Variants in SETD3 observed in about 807,000 individuals in gnomAD.
SETD3 encodes the protein SET domain containing 3, actin N3(tau)-histidine methyltransferase.
Under a neutral mutation model 63.0 loss-of-function variants are expected in SETD3, and 19 were observed. That is an observed-to-expected ratio of 0.30 (90% CI 0.21 to 0.44). The LOEUF (loss-of-function observed/expected upper bound fraction) is 0.44. Ranked by LOEUF, SETD3 falls within the 20% of genes least tolerant of loss-of-function variation. SETD3 has a pLI of 1.00. For synonymous variants in SETD3, 286 were observed against 264.1 expected, an observed-to-expected ratio of 1.08 and a Z score of -0.80; for missense variants, 587 against 728.5, an observed-to-expected ratio of 0.81 and a Z score of 2.24.
intron 1 of SETD3, among the ~76,000 whole-genome samples, chr14:99,468,384 C>T (rs1168102645): frequency 6.6e-6 from 1 of 152,134 alleles, no homozygotes; most frequent in Non-Finnish European, 1.5e-5. Context: ...TCTACCCTCA[C>T]GCTGCCACCA....
chr14:99,399,476 T>C (rs542526463), intron 12 of SETD3, among the ~76,000 whole-genome samples: 60 of 152,272 alleles, frequency 3.9e-4, no homozygotes, highest in Admixed American at 2.2e-3. Context: ...CGTGGGTGAA[T>C]GGCATCAGTG....
intron 1 of SETD3, among the ~76,000 whole-genome samples, chr14:99,480,331 C>A (rs1896220599): frequency 6.6e-6 from 1 of 152,068 alleles, no homozygotes; most frequent in Non-Finnish European, 1.5e-5. Context: ...CACCCGAGAG[C>A]AGGCGCGAGG....
At chr14:99,416,085 CTT>C (rs933848930) in intron 6 of SETD3, among the ~76,000 whole-genome samples, 6 of 152,172 alleles carry the variant, frequency 3.9e-5, no homozygotes, top group Admixed American at 3.9e-4. Flanking sequence ...TTATAAGAAT[CTT>C]GAGACATTCA....
At chr14:99,437,019 G>A (rs1459578454) in intron 6 of SETD3, among the ~76,000 whole-genome samples, 1 of 152,202 alleles carries the variant, frequency 6.6e-6, no homozygotes, top group African/African-American at 2.4e-5. Flanking sequence ...ACCGTGGATA[G>A]AGAAGATAGT....
intron 1 of SETD3, among the ~76,000 whole-genome samples, chr14:99,466,629 G>C (rs1326352122): frequency 2.0e-5 from 3 of 151,152 alleles, no homozygotes; most frequent in Non-Finnish European, 4.4e-5. Context: ...GGGGGGGGGG[G>C]GGGGCATTCA....
chr14:99,459,033 T>G, intron 5 of SETD3, 80 bp downstream of exon 5: 1 of 1,022,628 alleles, frequency 9.8e-7, no homozygotes, highest in South Asian at 1.5e-5. Flanking sequence ...AACCAAGTAT[T>G]ATCCTTAGTG....
chr14:99,445,546 A>G (rs914069210), intron 6 of SETD3, among the ~76,000 whole-genome samples: 3 of 152,196 alleles, frequency 2.0e-5, no homozygotes, highest in African/African-American at 4.8e-5. Context: ...CTTCCTTGAG[A>G]GTAGATTATA....
chr14:99,451,521 G>C (rs1215467844), intron 6 of SETD3, among the ~76,000 whole-genome samples: 1 of 151,982 alleles, frequency 6.6e-6, no homozygotes, highest in African/African-American at 2.4e-5. Context: ...TTTGAGACAG[G>C]GTATCGCTCT....
intron 11 of SETD3, among the ~76,000 whole-genome samples, chr14:99,401,273 A>C (rs1162242631): frequency 1.3e-5 from 2 of 152,282 alleles, no homozygotes; most frequent in Non-Finnish European, 2.9e-5. Flanking sequence ...AGAAGAGGAA[A>C]GAATTCAGCA....
chr14:99,463,412 C>T (rs1455012474), intron 3 of SETD3, 74 bp downstream of exon 3: 2 of 1,147,734 alleles, frequency 1.7e-6, no homozygotes, highest in Non-Finnish European at 2.5e-6. Flanking sequence ...ACCTTTACTA[C>T]TCGTCAACCC....
upstream of SETD3, chr14:99,481,735 T>TG (rs1156865408): frequency 2.7e-6 from 1 of 368,300 alleles, no homozygotes; most frequent in Non-Finnish European, 4.8e-6. Flanking sequence ...GCCCTCGCAC[T>TG]GGGGGGCAGT....
intron 6 of SETD3, among the ~76,000 whole-genome samples, chr14:99,455,531 TCTC>T (rs1213281234): frequency 6.6e-6 from 1 of 152,112 alleles, no homozygotes; most frequent in Non-Finnish European, 1.5e-5. Flanking sequence ...TAAAATACCT[TCTC>T]CTCACCACAG....
At chr14:99,455,136 A>C (rs1002065610) in intron 6 of SETD3, among the ~76,000 whole-genome samples, 1 of 152,270 alleles carries the variant, frequency 6.6e-6, no homozygotes, top group African/African-American at 2.4e-5. Flanking sequence ...CCACGCAGCC[A>C]CAGCGCCTCT....
At chr14:99,403,467 T>G (rs945721181) in intron 11 of SETD3, among the ~76,000 whole-genome samples, 1 of 140,402 alleles carries the variant, frequency 7.1e-6, no homozygotes, top group East Asian at 2.0e-4. Flanking sequence ...TCTCTCTCTC[T>G]CTCTCTCTCT....
chr14:99,442,663 C>A (rs995838710), intron 6 of SETD3, among the ~76,000 whole-genome samples: 19 of 152,146 alleles, frequency 1.2e-4, no homozygotes, highest in African/African-American at 4.6e-4. Context: ...TTCTTTTCTC[C>A]AGCTTACTTT....
chr14:99,455,573 G>T (rs564969724), intron 6 of SETD3, among the ~76,000 whole-genome samples: 1 of 152,264 alleles, frequency 6.6e-6, no homozygotes, highest in East Asian at 1.9e-4. Flanking sequence ...AAGGGATCTG[G>T]AATCAGCTAA....
intron 8 of SETD3, among the ~76,000 whole-genome samples, chr14:99,410,791 T>G (rs945507442): frequency 6.6e-6 from 1 of 152,246 alleles, no homozygotes; most frequent in African/African-American, 2.4e-5. Flanking sequence ...TTGGAATTAC[T>G]GTTACTGACT....
intron 6 of SETD3, among the ~76,000 whole-genome samples, chr14:99,452,085 CAGAA>C (rs1894495204): frequency 6.6e-6 from 1 of 152,244 alleles, no homozygotes; most frequent in East Asian, 1.9e-4. Flanking sequence ...AGCAGGGGCC[CAGAA>C]AGACTTTGTT....
In SETD3 at chr14:99,398,014, A is replaced by C. The variant is rs555446301; in HGVS notation, c.*665T>G. The stretch of plus-strand genomic sequence containing the variant: ...AGGAGAAAGGACAAGTTCTTAGTAC[A>C]GTAAAACAAAACACAAAAGTAAACA... On this transcript the variant is annotated 3_prime_UTR_variant, in exon 13 of 13. Coordinates refer to ENST00000331768, the MANE Select transcript of SETD3 (RefSeq NM_032233.3). The C allele has an allele frequency of 6.6e-6, 1 of 152,654 alleles. No individual in the cohort carries two copies. Among genetic ancestry groups the C allele is most frequent in the African/African-American group, 2.4e-5 (1 of 41,460 alleles). The allele number at this position is 152,654 out of a possible 1,614,324, so 9.5% of individuals were successfully genotyped here.
Sources: allele counts gnomAD v4.1 joint callset (sites outside exome capture counted in the v4.1 genomes callset), GRCh38; gene constraint gnomAD v4.1.1; transcripts MANE v1.5; gene names NCBI Gene and HGNC (gene_info 2026-07-23, HGNC 2026-07-21).